Variants in ADAM23 observed in about 807,000 individuals in gnomAD.
ADAM23 encodes the protein ADAM metallopeptidase domain 23, also known as disintegrin and metalloproteinase domain-containing protein 23.
ADAM23 carries 33 observed loss-of-function variants against 120.1 expected under a neutral mutation model. The observed-to-expected ratio is 0.27, with a 90% CI of 0.21 to 0.37. The LOEUF is 0.37. Among genes scored for constraint, ADAM23 ranks in the 10% least tolerant of loss-of-function variants. The pLI is 1.00. For missense variants in ADAM23, 862 were observed against 1,058.2 expected (o/e 0.81, Z 2.57); for synonymous variants, 367 against 375.2 (o/e 0.98, Z 0.25).
intron 4 of ADAM23, among the ~76,000 whole-genome samples, chr2:206,534,058 A>G (rs886076051): frequency 6.6e-6 from 1 of 152,180 alleles, no homozygotes; most frequent in Non-Finnish European, 1.5e-5. Flanking sequence ...ATCATAAAGC[A>G]TATAATTGTT....
At chr2:206,482,673 A>G (rs1695921626) in intron 3 of ADAM23, among the ~76,000 whole-genome samples, 1 of 152,186 alleles carries the variant, frequency 6.6e-6, no homozygotes, top group Non-Finnish European at 1.5e-5. Flanking sequence ...TATTATGAGC[A>G]GTCCCTGACT....
chr2:206,587,158 A>C (rs56060469), intron 18 of ADAM23, among the ~76,000 whole-genome samples, 167 bp from the exon 19 acceptor site: 8,750 of 152,234 alleles, frequency 0.057, 839 homozygotes, highest in African/African-American at 0.2. Flanking sequence ...TATTTTACCA[A>C]TAATAGGATA....
At chr2:206,597,218 C>T (rs1698545033) in intron 24 of ADAM23, among the ~76,000 whole-genome samples, 1 of 139,490 alleles carries the variant, frequency 7.2e-6, no homozygotes, top group Non-Finnish European at 1.5e-5. Context: ...CCGACTCTGT[C>T]GACCAGGCTG....
intron 18 of ADAM23, among the ~76,000 whole-genome samples, chr2:206,574,300 C>T (rs1438643323): frequency 6.6e-6 from 1 of 152,012 alleles, no homozygotes; most frequent in Non-Finnish European, 1.5e-5. Flanking sequence ...GTATAGATTG[C>T]ACATGTGAAT....
intron 2 of ADAM23, among the ~76,000 whole-genome samples, chr2:206,456,779 T>A (rs1236689820): frequency 6.6e-6 from 1 of 152,132 alleles, no homozygotes; most frequent in East Asian, 1.9e-4. Context: ...AAGATTAAAT[T>A]TAGAAGTAGT....
At chr2:206,458,597 C>T (rs1047720931) in intron 2 of ADAM23, among the ~76,000 whole-genome samples, 1 of 152,206 alleles carries the variant, frequency 6.6e-6, no homozygotes, top group Admixed American at 6.5e-5. Context: ...AATCAGGGCA[C>T]TCTAAGTCAG....
intron 3 of ADAM23, among the ~76,000 whole-genome samples, chr2:206,485,731 C>T (rs1328000082): frequency 1.3e-5 from 2 of 152,188 alleles, no homozygotes; most frequent in East Asian, 1.9e-4. Context: ...AAGACTTGTG[C>T]CTTCCCTTTT....
Position 206,594,787 on chromosome 2 carries a change from A to G in ADAM23, c.2129A>G (p.Asp710Gly). 6.2e-7 allele frequency: 1 copy of G among 1,614,198 alleles called. No homozygotes were observed. Among genetic ancestry groups the G allele is most frequent in the South Asian group, 1.1e-5 (1 of 91,082 alleles). Reference sequence around the variant, plus strand: ...GATACGGATGTGGGCTATGTAGAAGATGGAACGCCATGTGGCCCGTCTATG... The same window carrying G: ...GATACGGATGTGGGCTATGTAGAAGGTGGAACGCCATGTGGCCCGTCTATG... The part of the protein sequence containing the change: ...DDDTDVGYVE[D>G]GTPCGPSMMC... The change falls in exon 23 of 26, where the codon GAT becomes GGT. Residue 710 changes from aspartate to glycine, a missense_variant. By Grantham distance (94) the Asp-to-Gly change is moderately conservative (BLOSUM62 -1). Around this residue, in one of 4 missense-constraint regions of ADAM23, gnomAD observed 617 missense variants for 813.5 expected, o/e 0.76. Coordinates refer to ENST00000264377, the MANE Select transcript of ADAM23 (RefSeq NM_003812.4).
intron 3 of ADAM23, among the ~76,000 whole-genome samples, chr2:206,524,092 A>T (rs1474206768): frequency 6.6e-6 from 1 of 152,154 alleles, no homozygotes; most frequent in Non-Finnish European, 1.5e-5. Flanking sequence ...GAACTTAAGT[A>T]CTTTCAAGCA....
At chr2:206,606,779 C>G (rs1213977251) in intron 24 of ADAM23, 2 of 152,236 alleles carry the variant, frequency 1.3e-5, no homozygotes, top group East Asian at 3.9e-4. Context: ...TTTCTTCTCT[C>G]TCTAATTAGA....
At chr2:206,461,684 A>C (rs971072617) in intron 2 of ADAM23, among the ~76,000 whole-genome samples, 4 of 152,074 alleles carry the variant, frequency 2.6e-5, no homozygotes, top group African/African-American at 9.7e-5. Context: ...TGTTCTCTAG[A>C]ATCCCTTATG....
intron 18 of ADAM23, among the ~76,000 whole-genome samples, chr2:206,574,378 T>G (rs534503145): frequency 4.9e-4 from 74 of 152,028 alleles, no homozygotes; most frequent in South Asian, 8.3e-4. Context: ...ATACCTTTAT[T>G]TTAGGAAAGT....
At chr2:206,508,871 C>T (rs966460624) in intron 3 of ADAM23, among the ~76,000 whole-genome samples, 7 of 152,084 alleles carry the variant, frequency 4.6e-5, no homozygotes, top group Admixed American at 4.6e-4. Flanking sequence ...GTAACAAACG[C>T]ACCTTATAAC....
chr2:206,588,504 T>A (rs1460323072), intron 20 of ADAM23, among the ~76,000 whole-genome samples: 1 of 152,194 alleles, frequency 6.6e-6, no homozygotes, highest in African/African-American at 2.4e-5. Flanking sequence ...TTTTTTCCAT[T>A]AACACACACA....
intron 2 of ADAM23, among the ~76,000 whole-genome samples, chr2:206,463,171 G>A (rs1921671): frequency 0.78 from 118,567 of 152,144 alleles, 46,486 homozygotes; most frequent in Admixed American, 0.83. Context: ...ATGTTCTCTT[G>A]CATGGCAGAA....
intron 8 of ADAM23, among the ~76,000 whole-genome samples, 178 bp from the exon 9 acceptor site, chr2:206,549,917 A>G (rs1308041848): frequency 1.3e-5 from 2 of 152,148 alleles, no homozygotes; most frequent in African/African-American, 4.8e-5. Context: ...TTGAATATGT[A>G]CCCATATTTT....
chr2:206,572,383 C>T (rs967242534), intron 17 of ADAM23, among the ~76,000 whole-genome samples: 1 of 152,140 alleles, frequency 6.6e-6, no homozygotes, highest in African/African-American at 2.4e-5. Context: ...TTTTTGAAAA[C>T]TCATTTTAAT....
intron 3 of ADAM23, among the ~76,000 whole-genome samples, chr2:206,490,411 G>A (rs1017485890): frequency 6.6e-6 from 1 of 152,180 alleles, no homozygotes; most frequent in Non-Finnish European, 1.5e-5. Flanking sequence ...TTGTTAATGG[G>A]TAAAACTGTT....
intron 9 of ADAM23, among the ~76,000 whole-genome samples, chr2:206,551,449 A>T (rs546044806): frequency 6.6e-6 from 1 of 152,346 alleles, no homozygotes; most frequent in African/African-American, 2.4e-5. Flanking sequence ...ATCAAAACAA[A>T]GTTGCACTTC....
Sources: allele counts gnomAD v4.1 joint callset (sites outside exome capture counted in the v4.1 genomes callset), GRCh38; gene constraint gnomAD v4.1.1; regional missense constraint gnomAD v4.1.1; transcripts MANE v1.5; gene names NCBI Gene and HGNC (gene_info 2026-07-23, HGNC 2026-07-21).